The following FCN2 variants were observed in gnomAD, a reference collection of about 807,000 sequenced individuals.
FCN2 encodes ficolin 2.
FCN2 carries 31 observed loss-of-function variants against 32.5 expected under a neutral mutation model. The ratio of observed to expected loss-of-function variants is 0.96; its 90% CI spans 0.72 to 1.29. The LOEUF is 1.29. Ranked by LOEUF, FCN2 falls within the 50% of genes most tolerant of loss-of-function variation. The pLI is 0.00. For synonymous variants in FCN2, 181 were observed against 164.5 expected, an observed-to-expected ratio of 1.10 and a Z score of -0.77; for missense variants, 412 against 406.5, an observed-to-expected ratio of 1.01 and a Z score of -0.12.
At chr9:134,880,748 T>C, upstream of FCN2, 1 of 1,173,164 alleles carries the variant, frequency 8.5e-7, no homozygotes, top group African/African-American at 1.5e-5. Flanking sequence ...AGATGAGAAA[T>C]TGGAGTCTGA....
At chr9:134,884,992 G>A (rs576941374) in intron 4 of FCN2, among the ~76,000 whole-genome samples, 1 of 152,244 alleles carries the variant, frequency 6.6e-6, no homozygotes, top group African/African-American at 2.4e-5. Context: ...TATAATCTAC[G>A]CCAGAAGGCC....
At chr9:134,886,011 C>A in intron 6 of FCN2, 114 bp downstream of exon 6, 1 of 1,127,558 alleles carries the variant, frequency 8.9e-7, no homozygotes, top group Non-Finnish European at 1.2e-6. Flanking sequence ...GGATTGGGCC[C>A]TGAGCACACT....
At chr9:134,887,102 TAA>T in intron 7 of FCN2, 64 bp from the exon 8 acceptor site, 1 of 1,598,570 alleles carries the variant, frequency 6.3e-7, no homozygotes, top group Admixed American at 1.7e-5. Flanking sequence ...GCCTCAGGTA[TAA>T]AGACTTATAC....
upstream of FCN2, among the ~76,000 whole-genome samples, chr9:134,876,867 G>A (rs7033597): frequency 0.85 from 129,234 of 152,158 alleles, 55,251 homozygotes; most frequent in East Asian, 0.98. Flanking sequence ...AAGCCACCAC[G>A]CCAGTTGTTT....
rs760330340 is a variant in FCN2, at chr9:134,885,783, G to A, written c.445G>A (p.Val149Met). The A allele has an allele frequency of 9.3e-6, 15 of 1,613,934 alleles. No individual in the cohort carries two copies. Among genetic ancestry groups the A allele is most frequent in the Admixed American group, 1.7e-5 (1 of 60,002 alleles). ...GGGWTVFQRR[V>M]DGSVDFYRDW... ...TTCTCCACAGGTTTTCCAGCGGAGG[G>A]TGGATGGCTCTGTGGACTTCTACCG... The change falls in exon 6 of 8, where the codon GTG becomes ATG. Residue 149 changes from valine to methionine, a missense_variant. By Grantham distance (21) the Val-to-Met change is conservative (BLOSUM62 1). Transcript: ENST00000291744.
the FCN2 span, among the ~76,000 whole-genome samples, chr9:134,869,240 G>A: frequency 6.6e-6 from 1 of 152,200 alleles, no homozygotes; most frequent in South Asian, 2.1e-4. Context: ...GTGTGCACGT[G>A]AATCCCTCAT....
chr9:134,873,451 T>C, the FCN2 span, among the ~76,000 whole-genome samples: 1 of 152,186 alleles, frequency 6.6e-6, no homozygotes, highest in Non-Finnish European at 1.5e-5. Context: ...TCTTGGCTTC[T>C]GTCCTCATTG....
At position 134,885,467 on chromosome 9, in the gene FCN2, T is replaced by A. The variant is rs570724022; in HGVS notation, c.429+101T>A. ...ACTCTGGAATTCTCTATTCTCCTGGTCGGGGACAGTCAGAGATGATGGGGG... is the reference window on the plus strand; with the variant it reads ...ACTCTGGAATTCTCTATTCTCCTGGACGGGGACAGTCAGAGATGATGGGGG... On this transcript the variant is annotated intron_variant, in intron 5 of 7. Transcript: ENST00000291744. The A allele has an allele frequency of 1.5e-3, 2,244 of 1,527,580 alleles. 33 individuals are homozygous for A. In the African/African-American group the frequency reaches 0.027, roughly 18 times the overall value. 94.6% of individuals were successfully genotyped at this position (1,527,580 alleles called of 1,614,324 possible).
At chr9:134,870,190 G>A in the FCN2 span, among the ~76,000 whole-genome samples, 2 of 152,188 alleles carry the variant, frequency 1.3e-5, no homozygotes, top group Non-Finnish European at 2.9e-5. This position sits in a 1 kb window ranked among gnomAD's most constrained non-coding sequence, Gnocchi z 4.3. Flanking sequence ...CGGTTTCCCC[G>A]AGTTCTGCTG....
upstream of FCN2, among the ~76,000 whole-genome samples, chr9:134,877,168 C>T (rs1315811870): frequency 1.3e-5 from 2 of 152,142 alleles, no homozygotes; most frequent in African/African-American, 4.8e-5. Flanking sequence ...TATTCATTCT[C>T]TTTTTTCTAC....
intron 5 of FCN2, 21 bp from the exon 6 acceptor site, chr9:134,885,747 T>A: frequency 6.2e-7 from 1 of 1,613,950 alleles, no homozygotes; most frequent in South Asian, 1.1e-5. Context: ...CCCCGGCTCC[T>A]GTCCCCTGGC....
chr9:134,885,946 C>T lies in FCN2; in HGVS notation c.559+49C>T, dbSNP rs113043031. ...GGGTCGGGGGCCCTGAATGGGGGTG[C>T]CCCTGCCTCTTGGGCCTGGGCTGCC... On this transcript the variant is annotated intron_variant, in intron 6 of 7. Coordinates refer to ENST00000291744, the MANE Select transcript of FCN2 (RefSeq NM_004108.3). 1.4e-3 allele frequency: 2,187 copies of T among 1,565,068 alleles called. 12 individuals carry two copies. Among genetic ancestry groups the T allele is most frequent in the African/African-American group, 0.011 (830 of 74,076 alleles).
the FCN2 span, among the ~76,000 whole-genome samples, chr9:134,875,392 C>T: frequency 6.6e-6 from 1 of 151,220 alleles, no homozygotes; most frequent in Admixed American, 6.6e-5. Flanking sequence ...ATCCTTGCAC[C>T]TCACTGCTCA....
At chr9:134,884,040 G>A (rs1328603361) in intron 3 of FCN2, among the ~76,000 whole-genome samples, 3 of 151,912 alleles carry the variant, frequency 2.0e-5, no homozygotes, top group African/African-American at 7.3e-5. Context: ...TGTCCCCTGA[G>A]CATGAGGCCC....
At chr9:134,873,899 GTTT>G in the FCN2 span, among the ~76,000 whole-genome samples, 3 of 45,498 alleles carry the variant, frequency 6.6e-5, no homozygotes, top group African/African-American at 3.1e-4. Context: ...TTTGTTTTTT[GTTT>G]TTTTTTGTTT....
At chr9:134,882,675 C>G in intron 2 of FCN2, 36 bp downstream of exon 2, 1 of 1,452,846 alleles carries the variant, frequency 6.9e-7, no homozygotes, top group Middle Eastern at 1.7e-4. Context: ...CTGGCTCTTG[C>G]TCTTTTTGAA....
intron 3 of FCN2, among the ~76,000 whole-genome samples, 199 bp downstream of exon 3, chr9:134,883,554 G>A (rs1830698191): frequency 6.9e-6 from 1 of 144,398 alleles, no homozygotes; most frequent in African/African-American, 2.6e-5. Context: ...TGGGTTCTCA[G>A]TCTGGGGGAG....
intron 2 of FCN2, among the ~76,000 whole-genome samples, chr9:134,883,074 G>C (rs369246117): frequency 7.2e-5 from 11 of 152,336 alleles, no homozygotes; most frequent in African/African-American, 2.6e-4. Flanking sequence ...ATGGTCTCTG[G>C]ATTTCCAGCT....
chr9:134,871,590 G>A, the FCN2 span, among the ~76,000 whole-genome samples: 1 of 152,172 alleles, frequency 6.6e-6, no homozygotes, highest in Non-Finnish European at 1.5e-5. Context: ...AGGGAGCTGT[G>A]TAGAGTGGGC....
Sources: allele counts gnomAD v4.1 joint callset (sites outside exome capture counted in the v4.1 genomes callset), GRCh38; gene constraint gnomAD v4.1.1; non-coding constraint Gnocchi (gnomAD v3.1); transcripts MANE v1.5; gene names NCBI Gene and HGNC (gene_info 2026-07-23, HGNC 2026-07-21).